BRINP3: variants seen among roughly 807,000 people sequenced by gnomAD.
The protein encoded by BRINP3 is BMP/retinoic acid-inducible neural-specific protein 3.
In BRINP3, 19 loss-of-function variants were observed where a neutral mutation model predicts 71.0. That is an observed-to-expected ratio of 0.27 (90% confidence interval 0.19 to 0.39). The LOEUF is 0.39. BRINP3 is among the 10% of genes least tolerant of loss of function. The pLI is 1.00. For missense variants in BRINP3, 959 were observed against 940.8 expected, an observed-to-expected ratio of 1.02 and a Z score of -0.25; for synonymous variants, 380 against 337.7, an observed-to-expected ratio of 1.13 and a Z score of -1.37.
chr1:190,101,798 T>C (rs1278673030), intron 7 of BRINP3, among the ~76,000 whole-genome samples: 3 of 152,178 alleles, frequency 2.0e-5, no homozygotes, highest in African/African-American at 7.2e-5. Context: ...ATGAAATTAA[T>C]AGACCTAAGG....
chr1:190,116,257 T>A (rs1353695508), intron 7 of BRINP3, among the ~76,000 whole-genome samples: 1 of 152,074 alleles, frequency 6.6e-6, no homozygotes, highest in African/African-American at 2.4e-5. Context: ...GTGGTTAAAA[T>A]CTACCATTAA....
chr1:190,435,731 G>A (rs1674414566), intron 2 of BRINP3, among the ~76,000 whole-genome samples: 1 of 151,864 alleles, frequency 6.6e-6, no homozygotes, highest in Non-Finnish European at 1.5e-5. Context: ...ATAAAAATTT[G>A]TCTTCCTTCT....
chr1:190,344,251 T>G lies in BRINP3; in HGVS notation c.237-62501A>C, dbSNP rs187144454. On this transcript the variant is annotated intron_variant, in intron 2 of 7. Coordinates refer to ENST00000367462, the MANE Select transcript of BRINP3 (RefSeq NM_199051.3). ...ACTGTGCCAATTGTTTAACATACAT[T>G]AATTTCATTCCCCTTTGAGTCTGTT... is the stretch of plus-strand genomic sequence containing the variant. Among the ~76,000 whole-genome samples, 5 of 151,940 alleles carry G rather than the reference T, an allele frequency of 3.3e-5. No individual in the cohort carries two copies. In the East Asian group the frequency reaches 7.7e-4, roughly 24 times the overall value.
chr1:190,178,705 A>C (rs1652773377), intron 6 of BRINP3, among the ~76,000 whole-genome samples: 1 of 152,156 alleles, frequency 6.6e-6, no homozygotes, highest in Non-Finnish European at 1.5e-5. Context: ...CTCATCACTT[A>C]CATAAGTACC....
chr1:190,305,390 G>A (rs1261968413), intron 2 of BRINP3, among the ~76,000 whole-genome samples: 2 of 151,542 alleles, frequency 1.3e-5, no homozygotes, highest in Non-Finnish European at 2.9e-5. Flanking sequence ...AGACAGTATG[G>A]CATTTATACA....
intron 2 of BRINP3, among the ~76,000 whole-genome samples, chr1:190,413,467 T>C (rs1332188726): frequency 1.3e-5 from 2 of 152,236 alleles, no homozygotes; most frequent in Non-Finnish European, 2.9e-5. Context: ...GAAGATATTA[T>C]TCTGAATTAT....
chr1:190,461,672 A>G (rs1304822906), intron 1 of BRINP3, among the ~76,000 whole-genome samples: 1 of 152,198 alleles, frequency 6.6e-6, no homozygotes, highest in African/African-American at 2.4e-5. Context: ...TTAGGGTGCA[A>G]CTGCAACTGG....
chr1:190,456,927 C>T (rs1423682386), intron 1 of BRINP3, among the ~76,000 whole-genome samples: 1 of 152,074 alleles, frequency 6.6e-6, no homozygotes, highest in Admixed American at 6.6e-5. Context: ...AAATGAAGTT[C>T]TCTTATTAAC....
rs1240109693 is a variant in BRINP3 at position 190,390,730 on chromosome 1, G to A, written c.236+63925C>T. Among the ~76,000 whole-genome samples the A allele has an allele frequency of 1.3e-5, 2 of 151,872 alleles. 1 individual carries two copies. The highest frequency in any genetic ancestry group is 1.3e-4 in the Admixed American group (2 of 15,170). ...CACAATGGTGAAGGCCACAGGAGAC[G>A]CAGTGTCATGGAAGCAGAGCATATT... On this transcript the variant is annotated intron_variant, in intron 2 of 7. Transcript: ENST00000367462.
chr1:190,179,987 G>A (rs931193965), intron 6 of BRINP3, among the ~76,000 whole-genome samples: 5 of 152,120 alleles, frequency 3.3e-5, no homozygotes, highest in Admixed American at 3.3e-4. Flanking sequence ...ATGAGTTCAC[G>A]TGGTATTCCT....
chr1:190,108,156 G>T (rs1030245639), intron 7 of BRINP3, among the ~76,000 whole-genome samples: 1 of 151,982 alleles, frequency 6.6e-6, no homozygotes, highest in Admixed American at 6.6e-5. Flanking sequence ...GAACTTCATC[G>T]ATCAAAAATG....
chr1:190,332,142 G>C (rs1039990421), intron 2 of BRINP3, among the ~76,000 whole-genome samples: 2 of 151,872 alleles, frequency 1.3e-5, no homozygotes, highest in Non-Finnish European at 2.9e-5. Context: ...ATTAAATACT[G>C]ATACAATGAT....
At chr1:190,365,833 T>TATATATATAC in intron 2 of BRINP3, among the ~76,000 whole-genome samples, 1 of 135,444 alleles carries the variant, frequency 7.4e-6, no homozygotes, top group East Asian at 2.2e-4. Flanking sequence ...TATATATATA[T>TATATATATAC]ATACACACAC....
intron 2 of BRINP3, among the ~76,000 whole-genome samples, chr1:190,306,800 G>A (rs967688674): frequency 2.6e-5 from 4 of 151,830 alleles, no homozygotes; most frequent in African/African-American, 4.8e-5. Context: ...TTATATAAAT[G>A]TAACATCTCA....
At chr1:190,339,234 A>T (rs1667493725) in intron 2 of BRINP3, among the ~76,000 whole-genome samples, 1 of 151,978 alleles carries the variant, frequency 6.6e-6, no homozygotes, top group Non-Finnish European at 1.5e-5. Context: ...GATACTCTGC[A>T]AAGCAGTAGC....
chr1:190,245,938 AT>A (rs1659563498), intron 4 of BRINP3, among the ~76,000 whole-genome samples: 1 of 151,642 alleles, frequency 6.6e-6, no homozygotes, highest in Non-Finnish European at 1.5e-5. Context: ...TGAACTCATC[AT>A]TTTTTATGGC....
At chr1:190,329,366 G>A (rs1423417868) in intron 2 of BRINP3, among the ~76,000 whole-genome samples, 2 of 151,614 alleles carry the variant, frequency 1.3e-5, no homozygotes, top group African/African-American at 2.4e-5. Flanking sequence ...AAAAATCAGG[G>A]ACACTTCTAT....
intron 6 of BRINP3, among the ~76,000 whole-genome samples, chr1:190,209,302 G>A (rs1236717980): frequency 6.6e-6 from 1 of 152,072 alleles, no homozygotes; most frequent in African/African-American, 2.4e-5. Flanking sequence ...TCTACCTAAG[G>A]TTGGCTGAGT....
intron 2 of BRINP3, among the ~76,000 whole-genome samples, chr1:190,430,099 C>G (rs1474900620): frequency 1.3e-5 from 2 of 152,184 alleles, no homozygotes; most frequent in African/African-American, 4.8e-5. Context: ...CTACTCTCAT[C>G]TGTTTTTCCC....
Sources: allele counts gnomAD v4.1 joint callset (sites outside exome capture counted in the v4.1 genomes callset), GRCh38; gene constraint gnomAD v4.1.1; transcripts MANE v1.5; gene names NCBI Gene and HGNC (gene_info 2026-07-23, HGNC 2026-07-21).